The following DGKI variants were observed in gnomAD, a reference collection of about 807,000 sequenced individuals.
DGKI encodes the protein diacylglycerol kinase iota.
In DGKI, 55 loss-of-function variants were observed where a neutral mutation model predicts 147.5. The observed-to-expected ratio is 0.37, with a 90% CI of 0.30 to 0.47. The LOEUF is 0.47. Ranked by LOEUF, DGKI falls within the 20% of genes least tolerant of loss-of-function variation. DGKI has a pLI of 1.00. For missense variants in DGKI, 1,007 were observed against 1,323.8 expected (o/e 0.76, Z 3.71); for synonymous variants, 469 against 477.1 (o/e 0.98, Z 0.22).
At chr7:137,604,823 T>C (rs1397061561) in intron 10 of DGKI, among the ~76,000 whole-genome samples, 2 of 152,156 alleles carry the variant, frequency 1.3e-5, no homozygotes, top group South Asian at 4.1e-4. Context: ...TATCACAGGA[T>C]TCTATAAAAC....
intron 1 of DGKI, chr7:137,722,516 G>T: frequency 1.2e-6 from 2 of 1,610,612 alleles, no homozygotes; most frequent in Non-Finnish European, 1.7e-6. Context: ...CTTGTGACTG[G>T]ACCTCTGGTC....
chr7:137,612,820 G>T (rs1466393100), intron 8 of DGKI, among the ~76,000 whole-genome samples: 1 of 152,058 alleles, frequency 6.6e-6, no homozygotes, highest in Admixed American at 6.6e-5. Context: ...AAAAGCATTC[G>T]CTTTGCAAGA....
intron 23 of DGKI, among the ~76,000 whole-genome samples, chr7:137,479,199 G>A (rs1815283509): frequency 6.6e-6 from 1 of 152,136 alleles, no homozygotes. Context: ...GCTCTGTAAT[G>A]TAGGCCAAAT....
chr7:137,489,378 C>T (rs971488410), intron 21 of DGKI, among the ~76,000 whole-genome samples: 1 of 152,130 alleles, frequency 6.6e-6, no homozygotes, highest in Non-Finnish European at 1.5e-5. Flanking sequence ...GCACTTGTAA[C>T]TGTCATATCT....
chr7:137,581,890 T>C lies in DGKI; in HGVS notation c.1602A>G (p.Gly534=). The change falls in exon 15 of 33, where the codon GGA becomes GGG. Residue 534 remains glycine, a synonymous_variant. Transcript: ENST00000614521. ...LNVFNNYFSL[G]FDAHVTLEFH... is the part of the protein sequence containing the mutation. ...ACTCCAGTGTGACATGGGCATCAAA[T>C]CCAAGGCTGAAGTAGTTATTGAAAA... 3 of 1,613,560 alleles carry C rather than the reference T, an allele frequency of 1.9e-6. No individual in the cohort carries two copies. The highest frequency in any genetic ancestry group is 2.5e-6 in the Non-Finnish European group (3 of 1,179,586).
At chr7:137,627,787 T>C (rs765533731) in intron 6 of DGKI, among the ~76,000 whole-genome samples, 7 of 152,330 alleles carry the variant, frequency 4.6e-5, no homozygotes, top group Non-Finnish European at 8.8e-5. Flanking sequence ...CAGATGGCTG[T>C]GCATGAAACA....
At chr7:137,410,975 G>A (rs538149785) in intron 29 of DGKI, among the ~76,000 whole-genome samples, 1 of 152,212 alleles carries the variant, frequency 6.6e-6, no homozygotes, top group Non-Finnish European at 1.5e-5. Flanking sequence ...TGCCTAAAGG[G>A]GGCAGTTGAT....
At chr7:137,567,833 C>A (rs370855971) in intron 19 of DGKI, among the ~76,000 whole-genome samples, 17 of 151,908 alleles carry the variant, frequency 1.1e-4, no homozygotes, top group African/African-American at 3.9e-4. Flanking sequence ...AAGTCCATTT[C>A]GAATTATTGA....
intron 1 of DGKI, among the ~76,000 whole-genome samples, chr7:137,730,151 C>T (rs1794833181): frequency 6.6e-6 from 1 of 152,096 alleles, no homozygotes; most frequent in Non-Finnish European, 1.5e-5. Flanking sequence ...TAATAGGCCG[C>T]CTACACACCA....
rs1811071149 is a variant in DGKI, at chr7:137,381,936, T to C, written c.*9284A>G. 1 of 152,078 alleles carries C rather than the reference T, an allele frequency of 6.6e-6. No homozygotes were observed. Among genetic ancestry groups the C allele is most frequent in the Non-Finnish European group, 1.5e-5 (1 of 67,990 alleles). The allele number at this position is 152,078 out of a possible 1,614,324, so 9.4% of individuals were successfully genotyped here. The stretch of plus-strand genomic sequence containing the variant: ...TCAAAGTTCTACTTGCATTGGAAAT[T>C]ATGCTTGTATGTAATTAGAGTCTCA... On this transcript the variant is annotated 3_prime_UTR_variant, in exon 33 of 33. Coordinates refer to ENST00000614521, the MANE Select transcript of DGKI (RefSeq NM_001321708.2).
At chr7:137,601,835 T>G (rs1009898091) in intron 10 of DGKI, among the ~76,000 whole-genome samples, 8 of 152,220 alleles carry the variant, frequency 5.3e-5, no homozygotes, top group Non-Finnish European at 7.3e-5. Flanking sequence ...GGTCTTTTGT[T>G]GCATGTACCA....
At chr7:137,408,923 C>A (rs1812061235) in intron 29 of DGKI, among the ~76,000 whole-genome samples, 1 of 152,002 alleles carries the variant, frequency 6.6e-6, no homozygotes, top group African/African-American at 2.4e-5. Context: ...AGGTAATAAG[C>A]AAAAGGAACA....
intron 11 of DGKI, among the ~76,000 whole-genome samples, chr7:137,599,439 A>G (rs530764595): frequency 7.2e-5 from 11 of 152,222 alleles, no homozygotes; most frequent in Non-Finnish European, 1.5e-4. Flanking sequence ...ATATTCATAA[A>G]CAAACATGGC....
chr7:137,730,316 G>A (rs954440982), intron 1 of DGKI, among the ~76,000 whole-genome samples: 21 of 151,996 alleles, frequency 1.4e-4, no homozygotes, highest in Admixed American at 1.3e-3. Context: ...TTGGTTAATG[G>A]TACCGTGGTT....
chr7:137,727,407 G>A (rs1239186633), intron 1 of DGKI, among the ~76,000 whole-genome samples: 1 of 152,142 alleles, frequency 6.6e-6, no homozygotes, highest in East Asian at 1.9e-4. Flanking sequence ...TACTCACAGA[G>A]CCCCAGCTTA....
intron 21 of DGKI, among the ~76,000 whole-genome samples, chr7:137,517,260 GAAAGAAAGAAAGAAAAGAAAAAGAAAGA>G (rs1816782561): frequency 3.9e-5 from 4 of 103,764 alleles, no homozygotes; most frequent in South Asian, 6.6e-4. Flanking sequence ...GAAAAAGAAA[GAAAGAAAGAAAGAAAAGAAAAAGAAAGA>G]AAGAAAGAAA....
intron 27 of DGKI, among the ~76,000 whole-genome samples, chr7:137,452,006 C>G (rs1813986368): frequency 6.6e-6 from 1 of 152,114 alleles, no homozygotes; most frequent in Non-Finnish European, 1.5e-5. Flanking sequence ...TCCTAAAGAA[C>G]AGAGGATAGA....
intron 23 of DGKI, among the ~76,000 whole-genome samples, chr7:137,483,179 A>T (rs1312671668): frequency 1.3e-5 from 2 of 152,054 alleles, no homozygotes; most frequent in East Asian, 3.8e-4. Flanking sequence ...GATAGGGCAT[A>T]AAAAAATATG....
chr7:137,396,477 A>G (rs1451526), intron 31 of DGKI, among the ~76,000 whole-genome samples: 34,931 of 152,152 alleles, frequency 0.23, 4,188 homozygotes, highest in South Asian at 0.32. Flanking sequence ...AAAGTGTTTC[A>G]GGAAAAATCA....
Sources: allele counts gnomAD v4.1 joint callset (sites outside exome capture counted in the v4.1 genomes callset), GRCh38; gene constraint gnomAD v4.1.1; transcripts MANE v1.5; gene names NCBI Gene and HGNC (gene_info 2026-07-23, HGNC 2026-07-21).